The following KLB variants were observed in gnomAD, a reference collection of about 807,000 sequenced individuals.
The protein encoded by KLB is klotho beta, also known as beta-klotho.
KLB carries 44 observed loss-of-function variants against 88.4 expected under a neutral mutation model. The ratio of observed to expected loss-of-function variants is 0.50; its 90% CI spans 0.39 to 0.64. The LOEUF is 0.64. Among genes scored for constraint, KLB ranks in the 30% least tolerant of loss-of-function variants. The pLI is 0.00. For missense variants in KLB, 1,137 were observed against 1,304.8 expected, an observed-to-expected ratio of 0.87 and a Z score of 1.98; for synonymous variants, 548 against 513.4, an observed-to-expected ratio of 1.07 and a Z score of -0.91.
intron 3 of KLB, among the ~76,000 whole-genome samples, chr4:39,445,340 A>G (rs1013708260): frequency 2.6e-5 from 4 of 152,190 alleles, no homozygotes; most frequent in Non-Finnish European, 5.9e-5. Flanking sequence ...AGACTCTGTC[A>G]GATCCAAGTG....
rs1045191715 is a variant in KLB at position 39,436,989 on chromosome 4, C to A, written c.1337-738C>A. On this transcript the variant is annotated intron_variant, in intron 2 of 4. Coordinates refer to ENST00000257408, the MANE Select transcript of KLB (RefSeq NM_175737.4). The stretch of plus-strand genomic sequence containing the variant: ...CCTCCCAAAGTGCTGGGATTACAGG[C>A]ATGAGCCACTGCGCCCCGCCTGTTG... 2.0e-5 allele frequency among the ~76,000 whole-genome samples: 3 copies of A among 152,188 alleles called. No individual in the cohort carries two copies. In the South Asian group the frequency reaches 6.2e-4, roughly 32 times the overall value.
At chr4:39,444,307 TATG>T (rs1262458046) in intron 3 of KLB, among the ~76,000 whole-genome samples, 1 of 152,164 alleles carries the variant, frequency 6.6e-6, no homozygotes, top group Non-Finnish European at 1.5e-5. Context: ...TTATTGTCAC[TATG>T]ATATTGTTCC....
chr4:39,434,148 C>G lies in KLB; in HGVS notation c.826-62C>G. The G allele has an allele frequency of 2.8e-6, 4 of 1,442,848 alleles. No homozygotes were observed. The South Asian group carries it at 5.3e-5, about 19-fold the overall frequency. The allele number at this position is 1,442,848 out of a possible 1,614,324, so 89.4% of individuals were successfully genotyped here. A position where few individuals can be genotyped will look rare whatever the true frequency, so the allele number is the denominator to read the frequency against. ...TTTTATCCATGAAAAGGCCATTTAC[C>G]AGCCATGTTACAGCCCTTGTAAGTG... On this transcript the variant is annotated intron_variant, in intron 1 of 4. Transcript: ENST00000257408.
At chr4:39,423,569 T>C (rs1743133963) in intron 1 of KLB, among the ~76,000 whole-genome samples, 1 of 151,846 alleles carries the variant, frequency 6.6e-6, no homozygotes, top group Admixed American at 6.5e-5. Context: ...GCTCTGCAAC[T>C]GTAAACTTCA....
chr4:39,418,993 A>T (rs996046110), intron 1 of KLB, among the ~76,000 whole-genome samples: 4 of 151,932 alleles, frequency 2.6e-5, no homozygotes, highest in African/African-American at 9.7e-5. Context: ...ATACATTAAA[A>T]CTATTATTAT....
In KLB at chr4:39,440,941, T is replaced by C. The variant is rs1486153859; in HGVS notation, c.1605+2946T>C. On this transcript the variant is annotated intron_variant, in intron 3 of 4. Coordinates refer to ENST00000257408, the MANE Select transcript of KLB (RefSeq NM_175737.4). The stretch of plus-strand genomic sequence containing the variant: ...GGCGTGATCTCAGCTCACTGCAGTC[T>C]GCCTCCTGAATTCAAGCAATTCTCC... Among the ~76,000 whole-genome samples the C allele has an allele frequency of 2.0e-5, 3 of 152,066 alleles. No individual in the cohort carries two copies. In the East Asian group the frequency reaches 5.8e-4, roughly 29 times the overall value.
At chr4:39,438,538 C>T (rs1743530096) in intron 3 of KLB, among the ~76,000 whole-genome samples, 1 of 152,182 alleles carries the variant, frequency 6.6e-6, no homozygotes, top group African/African-American at 2.4e-5. Context: ...CCTATCACTT[C>T]TCTTCCTCTT....
intron 1 of KLB, among the ~76,000 whole-genome samples, chr4:39,431,026 C>T (rs1743347234): frequency 6.6e-6 from 1 of 151,548 alleles, no homozygotes; most frequent in Non-Finnish European, 1.5e-5. Context: ...AAATGATCTT[C>T]CAACCTCAGC....
rs761155961 is a variant in KLB, at chr4:39,446,696, A to T, written c.1970A>T (p.His657Leu). 6.2e-7 allele frequency: 1 copy of T among 1,610,870 alleles called. No individual in the cohort carries two copies. ...AHLGLPEPLL[H>L]ADGWLNPSTA... ...CTAGGCCTCCCCGAGCCTCTGTTGCATGCCGACGGGTGGCTGAACCCATCG... is the reference window on the plus strand; with the variant it reads ...CTAGGCCTCCCCGAGCCTCTGTTGCTTGCCGACGGGTGGCTGAACCCATCG... Residue 657 changes from histidine to leucine, a missense_variant, in exon 4 of 5, where the codon CAT becomes CTT. By Grantham distance (99) the His-to-Leu change is moderately conservative (BLOSUM62 -3). This residue lies in a region of KLB where 597 missense variants were observed against 765.2 expected (regional missense o/e 0.78). Coordinates refer to ENST00000257408, the MANE Select transcript of KLB (RefSeq NM_175737.4). The surrounding 1 kb of genome is among the most constrained non-coding windows in gnomAD (Gnocchi z 6.4).
chr4:39,448,359 G>C lies in KLB; in HGVS notation c.2808G>C (p.Glu936Asp). Residue 936 changes from glutamate (E) to aspartate (D), a missense_variant, in exon 5 of 5, where the codon GAG (glutamate) becomes GAC (aspartate). By Grantham distance (45) the Glu-to-Asp change is conservative (BLOSUM62 2). Transcript: ENST00000257408. ...ATTATGCATTCAAACTGGCTGAAGA[G>C]AAATCTAAACCCAGATTTGGATTCT... ...KGYYAFKLAE[E>D]KSKPRFGFFT... The C allele has an allele frequency of 6.2e-7, 1 of 1,612,958 alleles. No homozygotes were observed. The highest frequency in any genetic ancestry group is 8.5e-7 in the Non-Finnish European group (1 of 1,178,934).
intron 3 of KLB, among the ~76,000 whole-genome samples, chr4:39,439,451 G>GTTGTTGTTGTTT (rs1464599398): frequency 1.2e-4 from 17 of 137,138 alleles, no homozygotes; most frequent in East Asian, 7.8e-4. Flanking sequence ...TTTTGTTGCT[G>GTTGTTGTTGTTT]TTGTTTTTGT....
intron 3 of KLB, among the ~76,000 whole-genome samples, chr4:39,441,343 C>T (rs546582256): frequency 7.9e-5 from 12 of 152,240 alleles, no homozygotes; most frequent in Admixed American, 5.9e-4. Context: ...TTGCTAAATG[C>T]TCCAAAAATG....
intron 3 of KLB, among the ~76,000 whole-genome samples, chr4:39,445,878 C>T (rs983707904): frequency 1.3e-5 from 2 of 152,124 alleles, no homozygotes; most frequent in Middle Eastern, 3.4e-3. Flanking sequence ...GGGGTCATTG[C>T]CTACCCCACC....
At chr4:39,439,549 T>TCTGCCTCCCCAGTTCAAACGATTCTC (rs1743551054) in intron 3 of KLB, among the ~76,000 whole-genome samples, 1 of 152,048 alleles carries the variant, frequency 6.6e-6, no homozygotes, top group Non-Finnish European at 1.5e-5. Flanking sequence ...CATTGTAACC[T>TCTGCCTCCCCAGTTCAAACGATTCTC]CTGCCTCCCC....
In KLB at chr4:39,446,441, G is replaced by A. The variant is rs866536920; in HGVS notation, c.1715G>A (p.Arg572Gln). 1 of 1,614,160 alleles carries A rather than the reference G, an allele frequency of 6.2e-7. No homozygotes were observed. Among genetic ancestry groups the A allele is most frequent in the East Asian group, 2.2e-5 (1 of 44,886 alleles). ...HRVEGVRLKT[R>Q]PAQCTDFVNI... ...GTGGAAGGGGTGAGGCTGAAAACAC[G>A]ACCCGCTCAATGCACAGATTTTGTA... The change falls in exon 4 of 5, where the codon CGA (arginine) becomes CAA (glutamine). Residue 572 changes from arginine (R) to glutamine (Q), a missense_variant. Around this residue, in one of 4 missense-constraint regions of KLB, gnomAD observed 597 missense variants for 765.2 expected, o/e 0.78. Coordinates refer to ENST00000257408, the MANE Select transcript of KLB (RefSeq NM_175737.4). The surrounding 1 kb of genome is among the most constrained non-coding windows in gnomAD (Gnocchi z 6.4).
chr4:39,448,985 A>C lies in KLB; in HGVS notation c.*299A>C. ...ATTCCATCATTCTGCTTTAGCTTTC[A>C]TCTCTACCAATAGCTACTTGTGGTA... On this transcript the variant is annotated 3_prime_UTR_variant, in exon 5 of 5. Coordinates refer to ENST00000257408, the MANE Select transcript of KLB (RefSeq NM_175737.4). 1 of 268,138 alleles carries C rather than the reference A, an allele frequency of 3.7e-6. No individual in the cohort carries two copies. Among genetic ancestry groups the C allele is most frequent in the East Asian group, 7.1e-5 (1 of 14,012 alleles). The allele number at this position is 268,138 out of a possible 1,614,324, so 16.6% of individuals were successfully genotyped here. A position where few individuals can be genotyped will look rare whatever the true frequency, so the allele number is the denominator to read the frequency against.
At chr4:39,407,882 A>G in intron 1 of KLB, 108 bp downstream of exon 1, 1 of 634,000 alleles carries the variant, frequency 1.6e-6, no homozygotes, top group Non-Finnish European at 2.6e-6. Context: ...AACTGATTTT[A>G]AGCTAATTCA....
At chr4:39,427,813 G>A (rs75892287) in intron 1 of KLB, among the ~76,000 whole-genome samples, 9 of 152,104 alleles carry the variant, frequency 5.9e-5, no homozygotes, top group South Asian at 2.1e-4. Context: ...CTCATTTGAC[G>A]TTCACGAAAA....
chr4:39,430,994 G>T (rs932702821), intron 1 of KLB, among the ~76,000 whole-genome samples: 1 of 150,730 alleles, frequency 6.6e-6, no homozygotes, highest in African/African-American at 2.4e-5. Context: ...TCAGCTCACT[G>T]CAACCTCCGC....
Sources: gnomAD v4.1 joint callset for allele counts (sites outside exome capture counted in the v4.1 genomes callset) on GRCh38, gnomAD v4.1.1 for gene constraint, gnomAD v4.1.1 regional missense constraint, Gnocchi (gnomAD v3.1) non-coding constraint, MANE v1.5 for transcripts, NCBI Gene and HGNC (gene_info 2026-07-23, HGNC 2026-07-21) for gene names.